The following TTC28 variants were observed in gnomAD, a reference collection of about 807,000 sequenced individuals.
The protein encoded by TTC28 is tetratricopeptide repeat protein 28.
A neutral mutation model predicts 198.0 loss-of-function variants in TTC28; 61 were observed. The ratio of observed to expected loss-of-function variants is 0.31; its 90% confidence interval spans 0.25 to 0.38. The LOEUF is 0.38. Among genes scored for constraint, TTC28 ranks in the 10% least tolerant of loss-of-function variants. The pLI is 1.00. For missense variants in TTC28, 2,678 were observed against 3,164.0 expected (o/e 0.85, Z 3.69); for synonymous variants, 1,171 against 1,297.8 (o/e 0.90, Z 2.10).
chr22:28,190,978 T>G (rs1433451309), intron 5 of TTC28, among the ~76,000 whole-genome samples: 4 of 152,186 alleles, frequency 2.6e-5, no homozygotes, highest in Middle Eastern at 3.2e-3. Context: ...TTCTGAACCT[T>G]TGATGACTTC....
chr22:28,311,573 T>C (rs1432919827), intron 2 of TTC28, among the ~76,000 whole-genome samples: 1 of 152,160 alleles, frequency 6.6e-6, no homozygotes, highest in Non-Finnish European at 1.5e-5. Flanking sequence ...ATAAGATAGT[T>C]TAATACAAGC....
intron 2 of TTC28, among the ~76,000 whole-genome samples, chr22:28,434,215 T>C (rs920326857): frequency 6.6e-6 from 1 of 152,188 alleles, no homozygotes; most frequent in African/African-American, 2.4e-5. Flanking sequence ...AGTATAGAAA[T>C]AAATAATTCT....
chr22:28,015,443 G>T (rs78315967), intron 13 of TTC28, among the ~76,000 whole-genome samples: 77 of 120,370 alleles, frequency 6.4e-4, no homozygotes, highest in Non-Finnish European at 1.1e-3. Flanking sequence ...AAAAAAAAAA[G>T]ACAAATTGTT....
At chr22:28,298,240 T>C (rs1371225916) in intron 3 of TTC28, among the ~76,000 whole-genome samples, 1 of 152,232 alleles carries the variant, frequency 6.6e-6, no homozygotes, top group Non-Finnish European at 1.5e-5. Flanking sequence ...AATCTGTGTA[T>C]CCAAACTTGT....
chr22:28,165,513 G>T (rs1921827894), intron 5 of TTC28, among the ~76,000 whole-genome samples: 1 of 151,746 alleles, frequency 6.6e-6, no homozygotes, highest in African/African-American at 2.4e-5. Flanking sequence ...AAGAGAGTAG[G>T]GGCCAATATT....
At chr22:28,414,797 T>C (rs2146146531) in intron 2 of TTC28, among the ~76,000 whole-genome samples, 1 of 152,272 alleles carries the variant, frequency 6.6e-6, no homozygotes, top group Middle Eastern at 3.4e-3. Flanking sequence ...TCTAATAAAT[T>C]CACAGTCTAT....
At chr22:28,647,986 A>G (rs2051498218) in intron 1 of TTC28, among the ~76,000 whole-genome samples, 1 of 151,998 alleles carries the variant, frequency 6.6e-6, no homozygotes, top group Middle Eastern at 3.2e-3. Flanking sequence ...GCACTTTGGG[A>G]GGCCGAGGCG....
intron 1 of TTC28, among the ~76,000 whole-genome samples, chr22:28,635,214 G>A (rs892271681): frequency 2.0e-5 from 3 of 151,996 alleles, no homozygotes; most frequent in Non-Finnish European, 2.9e-5. Context: ...CCAGCTAGTC[G>A]GGAGGCTGAG....
At chr22:28,137,876 A>T (rs1336913153) in intron 6 of TTC28, among the ~76,000 whole-genome samples, 1 of 152,122 alleles carries the variant, frequency 6.6e-6, no homozygotes, top group Non-Finnish European at 1.5e-5. Flanking sequence ...TCAGCAGAGC[A>T]TAGTGGTGGG....
intron 2 of TTC28, among the ~76,000 whole-genome samples, chr22:28,450,832 A>C (rs1306881542): frequency 1.3e-5 from 2 of 152,202 alleles, no homozygotes; most frequent in Non-Finnish European, 2.9e-5. Context: ...CAAATGTTTC[A>C]GACAATAGGC....
At chr22:28,120,302 T>C (rs1361306823) in intron 6 of TTC28, among the ~76,000 whole-genome samples, 3 of 152,154 alleles carry the variant, frequency 2.0e-5, no homozygotes, top group Non-Finnish European at 4.4e-5. Flanking sequence ...AAATGTTTGC[T>C]ATATTGTTGA....
At chr22:28,336,011 C>A (rs2045710236) in intron 2 of TTC28, among the ~76,000 whole-genome samples, 1 of 152,136 alleles carries the variant, frequency 6.6e-6, no homozygotes, top group East Asian at 1.9e-4. Context: ...GAGATACGTG[C>A]CATCAATACC....
chr22:28,246,666 A>G (rs1203574333), intron 5 of TTC28, among the ~76,000 whole-genome samples: 1 of 152,176 alleles, frequency 6.6e-6, no homozygotes, highest in Non-Finnish European at 1.5e-5. Flanking sequence ...TCATTTTCAA[A>G]TGAGAAAATT....
chr22:27,993,791 T>A (rs1937500028), intron 17 of TTC28, among the ~76,000 whole-genome samples: 1 of 151,878 alleles, frequency 6.6e-6, no homozygotes, highest in Non-Finnish European at 1.5e-5. Flanking sequence ...CCTTCCACAC[T>A]CTCCGCAGAC....
In TTC28 at chr22:28,163,448, G is replaced by A. The variant is rs774426017; in HGVS notation, c.1085C>T (p.Ala362Val). ...AAAGTCACCCATGGCAATATACACA[G>A]CTCCCATGTTGCCAAGTTCTCGGGC... ...SEARELGNMG[A>V]VYIAMGDFEN... The change falls in exon 6 of 23, where the codon GCT becomes GTT. Residue 362 changes from alanine (A) to valine (V), a missense_variant. This residue lies in a region of TTC28 where 775 missense variants were observed against 845.9 expected (regional missense o/e 0.92). Coordinates refer to ENST00000397906, the MANE Select transcript of TTC28 (RefSeq NM_001145418.2). 1.3e-6 allele frequency: 2 copies of A among 1,551,710 alleles called. No homozygotes were observed. The highest frequency in any genetic ancestry group is 2.4e-5 in the South Asian group (2 of 84,064).
At position 28,041,571 on chromosome 22, in the gene TTC28, C is replaced by T. The variant is rs566173333; in HGVS notation, c.3933-11205G>A. Among the ~76,000 whole-genome samples, 10 of 152,276 alleles carry T rather than the reference C, an allele frequency of 6.6e-5. No homozygotes were observed. The South Asian group carries it at 2.1e-3, about 32-fold the overall frequency. ...CTGGATCCCTTCCTTACACCGTATA[C>T]AAAAATTAACTCCAGATGGATTTAA... On this transcript the variant is annotated intron_variant, in intron 12 of 22. Transcript: ENST00000397906.
chr22:28,342,648 C>T (rs754834469), intron 2 of TTC28, among the ~76,000 whole-genome samples: 1 of 152,102 alleles, frequency 6.6e-6, no homozygotes, highest in Non-Finnish European at 1.5e-5. Context: ...ATGAAATGCA[C>T]ATACATACGC....
rs541023823 is a variant in TTC28, at chr22:28,448,384, A to T, written c.382-141741T>A. Among the ~76,000 whole-genome samples the T allele has an allele frequency of 2.1e-3, 319 of 152,330 alleles. 2 individuals carry two copies. Among genetic ancestry groups the T allele is most frequent in the African/African-American group, 7.2e-3 (300 of 41,576 alleles). On this transcript the variant is annotated intron_variant, in intron 2 of 22. Coordinates refer to ENST00000397906, the MANE Select transcript of TTC28 (RefSeq NM_001145418.2). ...CTAAGGAATGATGTATCTGACATTG[A>T]TCAAAGGATAAATGCCTGAAAAGGC...
intron 2 of TTC28, among the ~76,000 whole-genome samples, chr22:28,404,189 G>A (rs751524363): frequency 3.9e-5 from 6 of 152,106 alleles, no homozygotes; most frequent in Middle Eastern, 3.4e-3. Context: ...GCACCATCTC[G>A]GCTCATTGCA....
Sources: gnomAD v4.1 joint callset for allele counts (sites outside exome capture counted in the v4.1 genomes callset) on GRCh38, gnomAD v4.1.1 for gene constraint, gnomAD v4.1.1 regional missense constraint, MANE v1.5 for transcripts, NCBI Gene and HGNC (gene_info 2026-07-23, HGNC 2026-07-21) for gene names.